DOCK5: variants seen among roughly 807,000 people sequenced by gnomAD.
The protein encoded by DOCK5 is dedicator of cytokinesis 5.
A neutral mutation model predicts 251.8 loss-of-function variants in DOCK5; 142 were observed. The observed-to-expected ratio is 0.56, with a 90% CI of 0.49 to 0.65. The LOEUF (loss-of-function observed/expected upper bound fraction) is 0.65, where lower values mean the gene tolerates loss of function less well. DOCK5 is among the 30% of genes least tolerant of loss of function. DOCK5 has a pLI of 0.00. For synonymous variants in DOCK5, 842 were observed against 835.5 expected (o/e 1.01, Z -0.13); for missense variants, 2,111 against 2,312.3 (o/e 0.91, Z 1.79).
intron 51 of DOCK5, among the ~76,000 whole-genome samples, 190 bp from the exon 52 acceptor site, chr8:25,411,004 C>T (rs184394827): frequency 4.5e-4 from 55 of 122,406 alleles, no homozygotes; most frequent in African/African-American, 1.2e-3. Flanking sequence ...CGCACGCACG[C>T]GTGTGTCTGA....
chr8:25,197,615 C>T (rs1297701266), intron 1 of DOCK5, among the ~76,000 whole-genome samples: 1 of 116,886 alleles, frequency 8.6e-6, no homozygotes, highest in Non-Finnish European at 1.6e-5. Context: ...GAAGGAGTCT[C>T]GCTCTGTTGC....
rs1586259670 is a variant in DOCK5 at position 25,244,375 on chromosome 8, A to G, written c.127+618A>G. ...GTACCCACTCCACTGCAGGCTTCCAACTTCAGCTCAGGTTCTCTAAATCCT... is the reference window on the plus strand; with the variant it reads ...GTACCCACTCCACTGCAGGCTTCCAGCTTCAGCTCAGGTTCTCTAAATCCT... On this transcript the variant is annotated intron_variant, in intron 2 of 51. Transcript: ENST00000276440. Among the ~76,000 whole-genome samples the G allele has an allele frequency of 2.6e-5, 4 of 152,284 alleles. No individual in the cohort carries two copies. The South Asian group carries it at 8.3e-4, about 32-fold the overall frequency.
chr8:25,258,491 G>A (rs530900428), intron 2 of DOCK5, among the ~76,000 whole-genome samples: 38 of 152,238 alleles, frequency 2.5e-4, no homozygotes, highest in Admixed American at 1.1e-3. Context: ...GGAGAACCAG[G>A]CCTTTTGGTG....
intron 32 of DOCK5, 134 bp from the exon 33 acceptor site, chr8:25,368,437 C>A: frequency 1.7e-6 from 2 of 1,154,402 alleles, no homozygotes; most frequent in Non-Finnish European, 2.4e-6. Context: ...CACATGCTAT[C>A]AGAATCTGAG....
intron 1 of DOCK5, among the ~76,000 whole-genome samples, chr8:25,204,573 G>A (rs909911906): frequency 3.3e-5 from 5 of 152,186 alleles, no homozygotes; most frequent in African/African-American, 1.2e-4. Context: ...AAGTTGACAT[G>A]CCATTGAACT....
intron 2 of DOCK5, among the ~76,000 whole-genome samples, chr8:25,257,073 G>T (rs1384541288): frequency 6.6e-6 from 1 of 152,076 alleles, no homozygotes; most frequent in African/African-American, 2.4e-5. Flanking sequence ...AATTTAAGTA[G>T]TTGAGAGAGG....
intron 27 of DOCK5, among the ~76,000 whole-genome samples, chr8:25,354,011 G>A (rs1249199494): frequency 8.2e-6 from 1 of 121,720 alleles, no homozygotes; most frequent in Admixed American, 1.0e-4. Flanking sequence ...CTGGGTGACA[G>A]AGTGAGACTT....
intron 2 of DOCK5, among the ~76,000 whole-genome samples, chr8:25,258,510 G>A (rs929533584): frequency 6.6e-6 from 1 of 152,132 alleles, no homozygotes; most frequent in Non-Finnish European, 1.5e-5. Context: ...TGTCACACAA[G>A]CTCTCTTTAT....
At chr8:25,234,036 C>T (rs1802735326) in intron 1 of DOCK5, among the ~76,000 whole-genome samples, 1 of 152,212 alleles carries the variant, frequency 6.6e-6, no homozygotes, top group African/African-American at 2.4e-5. Flanking sequence ...AGGAGTCAGG[C>T]CAGAGCTTGT....
At chr8:25,291,974 G>T in intron 5 of DOCK5, 50 bp from the exon 6 acceptor site, 2 of 1,484,988 alleles carry the variant, frequency 1.3e-6, no homozygotes, top group Non-Finnish European at 1.8e-6. Context: ...CCCATCCTCT[G>T]TCACACCTTT....
chr8:25,312,103 T>G (rs1477699328), intron 13 of DOCK5, among the ~76,000 whole-genome samples: 3 of 152,196 alleles, frequency 2.0e-5, no homozygotes, highest in Admixed American at 2.0e-4. Flanking sequence ...CTTTTTTCCT[T>G]TTCTCATAAA....
Position 25,392,825 on chromosome 8 carries a change from G to A in DOCK5, c.4470G>A (p.Thr1490=), listed in dbSNP as rs1181560578. Residue 1490 remains threonine, a synonymous_variant, in exon 44 of 52, where the codon ACG becomes ACA. Transcript: ENST00000276440. The part of the protein sequence containing the change: ...ATMWIERTTY[T]TAYTFPGILK... ...TGTGGATTGAACGGACCACGTATAC[G>A]ACTGCATATACCTTTCCTGGGATTC... 3.7e-6 allele frequency: 6 copies of A among 1,613,004 alleles called. No individual in the cohort carries two copies. The highest frequency in any genetic ancestry group is 1.1e-5 in the South Asian group (1 of 90,770).
Position 25,227,909 on chromosome 8 carries a change from AG to A in DOCK5, c.44-15763del, listed in dbSNP as rs565535596. Among the ~76,000 whole-genome samples the A allele has an allele frequency of 3.4e-3, 522 of 152,114 alleles. 3 individuals are homozygous for A. Among genetic ancestry groups the A allele is most frequent in the African/African-American group, 0.012 (495 of 41,510 alleles). On this transcript the variant is annotated intron_variant, in intron 1 of 51. Coordinates refer to ENST00000276440, the MANE Select transcript of DOCK5 (RefSeq NM_024940.8). ...TGTTGTTGTTTGTTTTTTTGAGACA[AG>A]GTCTCTCTCTGTCACCCAGGCTGGA...
In DOCK5 at chr8:25,372,617, C is replaced by G; in HGVS notation, c.3583C>G (p.Leu1195Val). Reference sequence around the variant, plus strand: ...CTCCAGCTCTGGGGAGGTCTTCGCCCTCCTGGTCAGCAGCCTCTTAGAGAA... The same window carrying G: ...CTCCAGCTCTGGGGAGGTCTTCGCCGTCCTGGTCAGCAGCCTCTTAGAGAA... ...YLSSSGEVFA[L>V]LVSSLLENLL... Residue 1195 changes from leucine (L) to valine (V), a missense_variant, in exon 35 of 52, where the codon CTC becomes GTC. This residue lies in a region of DOCK5 where 1,717 missense variants were observed against 1,892.4 expected (regional missense o/e 0.91). Coordinates refer to ENST00000276440, the MANE Select transcript of DOCK5 (RefSeq NM_024940.8). 1 of 1,606,712 alleles carries G rather than the reference C, an allele frequency of 6.2e-7. No individual in the cohort carries two copies. The highest frequency in any genetic ancestry group is 8.5e-7 in the Non-Finnish European group (1 of 1,177,012).
At chr8:25,393,570 A>G (rs1284430963) in intron 44 of DOCK5, among the ~76,000 whole-genome samples, 6 of 152,134 alleles carry the variant, frequency 3.9e-5, no homozygotes, top group African/African-American at 1.4e-4. Flanking sequence ...TGTTCATCCC[A>G]TGCTAATTTC....
intron 51 of DOCK5, 47 bp from the exon 52 acceptor site, chr8:25,411,147 G>A: frequency 6.8e-7 from 1 of 1,465,730 alleles, no homozygotes; most frequent in Admixed American, 2.7e-5. Context: ...GCAGAATTGG[G>A]AAGAAAGCTA....
At chr8:25,396,006 G>A (rs870686) in intron 45 of DOCK5, 27,144 of 468,548 alleles carry the variant, frequency 0.058, 1,057 homozygotes, top group African/African-American at 0.1. Context: ...TATACAAACT[G>A]ATTGGTGGAC....
chr8:25,336,525 T>C (rs922590382), intron 22 of DOCK5, among the ~76,000 whole-genome samples, 152 bp downstream of exon 22: 1 of 152,202 alleles, frequency 6.6e-6, no homozygotes, highest in African/African-American at 2.4e-5. Flanking sequence ...GGATTTGGGC[T>C]GCGTGTCTGT....
chr8:25,348,834 T>C (rs1586350774), intron 26 of DOCK5, among the ~76,000 whole-genome samples: 1 of 144,914 alleles, frequency 6.9e-6, no homozygotes, highest in East Asian at 2.0e-4. Flanking sequence ...CGAGACTCTG[T>C]CTCAAAAAAA....
Sources: allele counts gnomAD v4.1 joint callset (sites outside exome capture counted in the v4.1 genomes callset), GRCh38; gene constraint gnomAD v4.1.1; regional missense constraint gnomAD v4.1.1; transcripts MANE v1.5; gene names NCBI Gene and HGNC (gene_info 2026-07-23, HGNC 2026-07-21).